NFIB: variants seen among roughly 807,000 people sequenced by gnomAD.
NFIB encodes the protein nuclear factor 1 B-type.
Under a neutral mutation model 61.5 loss-of-function variants are expected in NFIB, and 11 were observed. The ratio of observed to expected loss-of-function variants is 0.18; its 90% CI spans 0.11 to 0.30. The LOEUF (loss-of-function observed/expected upper bound fraction) is 0.30, where lower values mean the gene tolerates loss of function less well. Ranked by LOEUF, NFIB falls within the 10% of genes least tolerant of loss-of-function variation. The pLI, the probability that NFIB is intolerant of heterozygous loss-of-function variation, is 1.00. For synonymous variants in NFIB, 260 were observed against 216.5 expected (o/e 1.20, Z -1.76); for missense variants, 471 against 608.9 (o/e 0.77, Z 2.38).
chr9:14,474,060 AT>A, the NFIB span, among the ~76,000 whole-genome samples: 2 of 152,208 alleles, frequency 1.3e-5, no homozygotes, highest in African/African-American at 2.4e-5. Context: ...TATCAGACAT[AT>A]GCTGAATAAA....
chr9:14,096,188 A>G (rs1311028705), intron 10 of NFIB, among the ~76,000 whole-genome samples: 1 of 152,188 alleles, frequency 6.6e-6, no homozygotes, highest in Non-Finnish European at 1.5e-5. Context: ...GGCACTTTAC[A>G]TAAAACATAT....
At chr9:14,258,169 T>A (rs2056409124) in intron 2 of NFIB, among the ~76,000 whole-genome samples, 1 of 152,150 alleles carries the variant, frequency 6.6e-6, no homozygotes, top group Non-Finnish European at 1.5e-5. Flanking sequence ...CTGAGAACAT[T>A]CATTCAGATC....
intron 3 of NFIB, among the ~76,000 whole-genome samples, chr9:14,163,784 A>G (rs893118769): frequency 1.3e-5 from 2 of 152,052 alleles, no homozygotes; most frequent in African/African-American, 4.8e-5. Context: ...GAACTTCTAA[A>G]AACATCGATC....
At chr9:14,271,504 G>A (rs2057622549) in intron 2 of NFIB, among the ~76,000 whole-genome samples, 1 of 151,958 alleles carries the variant, frequency 6.6e-6, no homozygotes, top group Non-Finnish European at 1.5e-5. Context: ...AAGAAAACAC[G>A]ACTGCAGATT....
chr9:14,201,385 T>C, intron 2 of NFIB, among the ~76,000 whole-genome samples: 1 of 152,220 alleles, frequency 6.6e-6, no homozygotes, highest in Non-Finnish European at 1.5e-5. Context: ...AACTTCCTAA[T>C]ATTCTTCTTA....
intron 1 of NFIB, among the ~76,000 whole-genome samples, chr9:14,324,369 A>G (rs779617048): frequency 1.6e-4 from 25 of 152,316 alleles, no homozygotes; most frequent in South Asian, 1.0e-3. Context: ...CAACAGAAGA[A>G]TGATGGATAT....
intron 6 of NFIB, among the ~76,000 whole-genome samples, chr9:14,126,278 G>A (rs2039633335): frequency 2.0e-5 from 3 of 152,128 alleles, no homozygotes; most frequent in Admixed American, 2.0e-4. Flanking sequence ...CGTTTACTGG[G>A]TTTCTGTACT....
At chr9:14,458,668 G>A in the NFIB span, among the ~76,000 whole-genome samples, 1 of 152,298 alleles carries the variant, frequency 6.6e-6, no homozygotes, top group East Asian at 1.9e-4. Context: ...CTTCAGCAAA[G>A]TCTCAGCATA....
At chr9:14,099,009 GC>G (rs1294537048) in intron 10 of NFIB, among the ~76,000 whole-genome samples, 18 of 152,240 alleles carry the variant, frequency 1.2e-4, no homozygotes, top group Non-Finnish European at 1.6e-4. Flanking sequence ...AGCTCCCTTG[GC>G]ACTGCCATTT....
At chr9:14,352,345 A>AT (rs1011152694) in intron 1 of NFIB, among the ~76,000 whole-genome samples, 2 of 152,006 alleles carry the variant, frequency 1.3e-5, no homozygotes, top group African/African-American at 4.8e-5. Flanking sequence ...CACCACCAAG[A>AT]TAACAAACCA....
chr9:14,293,139 GATAC>G (rs1249066335), intron 2 of NFIB, among the ~76,000 whole-genome samples: 1 of 152,146 alleles, frequency 6.6e-6, no homozygotes, highest in African/African-American at 2.4e-5. Flanking sequence ...CTGGGGACTT[GATAC>G]ATACATTTGC....
At chr9:14,151,085 C>T (rs961545753) in intron 4 of NFIB, among the ~76,000 whole-genome samples, 1 of 152,020 alleles carries the variant, frequency 6.6e-6, no homozygotes, top group African/African-American at 2.4e-5. Context: ...AAGTTATGTG[C>T]CCTAGTTTCC....
At chr9:14,459,368 A>G in the NFIB span, among the ~76,000 whole-genome samples, 1 of 152,244 alleles carries the variant, frequency 6.6e-6, no homozygotes, top group Non-Finnish European at 1.5e-5. Flanking sequence ...AAACTAATTC[A>G]AGATGGATTA....
In NFIB at chr9:14,313,811, C is replaced by G; in HGVS notation, c.-300G>C. On this transcript the variant is annotated 5_prime_UTR_variant, in exon 1 of 11. Transcript: ENST00000380953. The surrounding 1 kb of genome is among the most constrained non-coding windows in gnomAD (Gnocchi z 4.5). Reference sequence around the variant, plus strand: ...CCGCCGCCGCCGCCGGTGTTGGCTGCTTTTCGCCTGGGTTTGGGGATTTGT... The same window carrying G: ...CCGCCGCCGCCGCCGGTGTTGGCTGGTTTTCGCCTGGGTTTGGGGATTTGT... The G allele has an allele frequency of 7.6e-7, 1 of 1,322,030 alleles. No individual in the cohort carries two copies. The highest frequency in any genetic ancestry group is 9.7e-7 in the Non-Finnish European group (1 of 1,035,456). The allele number at this position is 1,322,030 out of a possible 1,614,324, so 81.9% of individuals were successfully genotyped here.
intron 2 of NFIB, among the ~76,000 whole-genome samples, chr9:14,184,219 A>T (rs1344358456): frequency 6.6e-6 from 1 of 152,188 alleles, no homozygotes; most frequent in Non-Finnish European, 1.5e-5. Flanking sequence ...TGTTCTCTAT[A>T]TGGACAGCCT....
chr9:14,354,572 G>A (rs1178923891), intron 1 of NFIB, among the ~76,000 whole-genome samples: 1 of 152,152 alleles, frequency 6.6e-6, no homozygotes, highest in East Asian at 1.9e-4. Context: ...ACATGGTTGG[G>A]TTTCCATTGA....
chr9:14,449,371 G>A, the NFIB span, among the ~76,000 whole-genome samples: 2 of 152,072 alleles, frequency 1.3e-5, no homozygotes, highest in Non-Finnish European at 2.9e-5. Context: ...GATTTAATTG[G>A]CCTAAGATGG....
At chr9:14,209,428 G>C (rs76819450) in intron 2 of NFIB, among the ~76,000 whole-genome samples, 5,280 of 152,320 alleles carry the variant, frequency 0.035, 272 homozygotes, top group Admixed American at 0.15. Flanking sequence ...TATTCATTAA[G>C]ATGAATAACC....
intron 2 of NFIB, among the ~76,000 whole-genome samples, chr9:14,250,246 C>T (rs1027648049): frequency 6.7e-6 from 1 of 150,324 alleles, no homozygotes. Flanking sequence ...ATCCATTAGA[C>T]AGTGTCTGTG....
Sources: gnomAD v4.1 joint callset for allele counts (sites outside exome capture counted in the v4.1 genomes callset) on GRCh38, gnomAD v4.1.1 for gene constraint, Gnocchi (gnomAD v3.1) non-coding constraint, MANE v1.5 for transcripts, NCBI Gene and HGNC (gene_info 2026-07-23, HGNC 2026-07-21) for gene names.